The following MRC1 variants were observed in gnomAD, a reference collection of about 807,000 sequenced individuals.
The protein encoded by MRC1 is macrophage mannose receptor 1.
A neutral mutation model predicts 102.9 loss-of-function variants in MRC1; 62 were observed. The ratio of observed to expected loss-of-function variants is 0.60; its 90% CI spans 0.49 to 0.74. The LOEUF (loss-of-function observed/expected upper bound fraction) is 0.74. Among genes scored for constraint, MRC1 ranks in the 30% least tolerant of loss-of-function variants. The pLI is 0.00. For missense variants in MRC1, 1,237 were observed against 862.8 expected (o/e 1.43, Z -5.43); for synonymous variants, 457 against 298.4 (o/e 1.53, Z -5.48).
intron 6 of MRC1, among the ~76,000 whole-genome samples, chr10:17,847,983 G>T (rs1417353976): frequency 1.3e-5 from 2 of 149,456 alleles, no homozygotes; most frequent in Non-Finnish European, 3.0e-5. Flanking sequence ...TGAGGGAATA[G>T]AATTTTTTTA....
intron 8 of MRC1, among the ~76,000 whole-genome samples, chr10:17,854,144 G>C (rs895385377): frequency 1.3e-5 from 2 of 152,100 alleles, no homozygotes; most frequent in Non-Finnish European, 2.9e-5. Context: ...TACAGATGGA[G>C]TTTTGCCATG....
chr10:17,903,405 T>TTC (rs1833856503), intron 26 of MRC1, among the ~76,000 whole-genome samples: 1 of 139,768 alleles, frequency 7.2e-6, no homozygotes, highest in Non-Finnish European at 1.6e-5. Context: ...TTTTTTTTTT[T>TTC]TTTTTTTTGA....
chr10:17,863,492 T>C, intron 10 of MRC1, 42 bp from the exon 11 acceptor site: 1 of 780,154 alleles, frequency 1.3e-6, no homozygotes, highest in South Asian at 1.3e-5. Flanking sequence ...TTGGCATAAA[T>C]GTTTCAAAAA....
intron 15 of MRC1, 76 bp downstream of exon 15, chr10:17,872,202 A>G (rs1833363577): frequency 3.9e-6 from 3 of 777,988 alleles, no homozygotes; most frequent in Non-Finnish European, 7.2e-6. Flanking sequence ...TTCCTTTATT[A>G]GCAGAAGCAA....
chr10:17,826,150 C>A (rs988923997), intron 2 of MRC1, among the ~76,000 whole-genome samples: 2 of 152,002 alleles, frequency 1.3e-5, no homozygotes, highest in Admixed American at 1.3e-4. Context: ...GTTTTACAAG[C>A]TTTATATTAT....
At chr10:17,904,096 T>TA (rs1833865983) in intron 26 of MRC1, among the ~76,000 whole-genome samples, 1 of 152,226 alleles carries the variant, frequency 6.6e-6, no homozygotes, top group Admixed American at 6.5e-5. Context: ...CTTTATCCAT[T>TA]GCATACCCAT....
chr10:17,823,611 A>C (rs371816696), intron 2 of MRC1, 136 bp downstream of exon 2: 1 of 718,440 alleles, frequency 1.4e-6, no homozygotes. Context: ...TGTGTTTTCA[A>C]CTATTCTGTA....
chr10:17,885,065 T>C lies in MRC1; in HGVS notation c.2981-204T>C, dbSNP rs911649562. On this transcript the variant is annotated intron_variant, in intron 21 of 29. Coordinates refer to ENST00000569591, the MANE Select transcript of MRC1 (RefSeq NM_002438.4). ...GCCTAGATAAAACCTAGACTTTTAT[T>C]GTATGAAACTTTTCAAAGTCCAAAG... is the stretch of plus-strand genomic sequence containing the variant. Among the ~76,000 whole-genome samples, 26 of 152,348 alleles carry C rather than the reference T, an allele frequency of 1.7e-4. 1 individual carries two copies. The East Asian group carries it at 5.0e-3, about 29-fold the overall frequency.
Position 17,870,881 on chromosome 10 carries a change from G to A in MRC1, c.2145G>A (p.Leu715=), listed in dbSNP as rs1450188911. ...GAAGCTACCACAAACTGTTTTGGTT[G>A]GGATTGACATATGGAAGCCCTTCAG... is the stretch of plus-strand genomic sequence containing the variant. ...ASGSYHKLFW[L]GLTYGSPSEG... The change falls in exon 14 of 30, where the codon TTG becomes TTA. Residue 715 remains leucine (L), a synonymous_variant. Transcript: ENST00000569591. 8 of 872,324 alleles carry A rather than the reference G, an allele frequency of 9.2e-6. No individual in the cohort carries two copies. The highest frequency in any genetic ancestry group is 3.9e-5 in the South Asian group (3 of 76,532). The allele number at this position is 872,324 out of a possible 1,614,324, so 54.0% of individuals were successfully genotyped here.
chr10:17,811,532 T>C (rs1838222422), intron 1 of MRC1, among the ~76,000 whole-genome samples: 1 of 151,648 alleles, frequency 6.6e-6, no homozygotes. Context: ...CCCTTCCAGA[T>C]TTTTTTTTCC....
intron 15 of MRC1, 106 bp from the exon 16 acceptor site, chr10:17,873,678 A>G: frequency 2.5e-6 from 2 of 787,928 alleles, no homozygotes; most frequent in Non-Finnish European, 4.7e-6. Context: ...AAAGAGAACA[A>G]CTAAGTTTTT....
At position 17,881,144 on chromosome 10, in the gene MRC1, A is replaced by G; in HGVS notation, c.2943A>G (p.Gly981=). Residue 981 remains glycine, a synonymous_variant, in exon 21 of 30, where the codon GGA becomes GGG. Transcript: ENST00000569591. ...QEARKACIGF[G]GNLVSIQNEK... ...CACGAAAAGCTTGTATAGGCTTTGGAGGGAATCTGGTCTCCATACAAAATG... is the reference window on the plus strand; with the variant it reads ...CACGAAAAGCTTGTATAGGCTTTGGGGGGAATCTGGTCTCCATACAAAATG... The G allele has an allele frequency of 1.3e-6, 1 of 780,770 alleles. No individual in the cohort carries two copies. Among genetic ancestry groups the G allele is most frequent in the South Asian group, 1.3e-5 (1 of 74,606 alleles). 48.4% of individuals were successfully genotyped at this position (780,770 alleles called of 1,614,324 possible). A position where few individuals can be genotyped will look rare whatever the true frequency, so the allele number is the denominator to read the frequency against.
intron 4 of MRC1, among the ~76,000 whole-genome samples, chr10:17,835,157 T>C (rs1169437311): frequency 2.0e-5 from 3 of 152,350 alleles, no homozygotes; most frequent in East Asian, 3.9e-4. Flanking sequence ...TCTTTTCCCA[T>C]GTCATTTCTT....
At chr10:17,909,047 C>T (rs890776809) in intron 28 of MRC1, among the ~76,000 whole-genome samples, 4 of 152,138 alleles carry the variant, frequency 2.6e-5, no homozygotes, top group Non-Finnish European at 4.4e-5. Context: ...TTCTAATGTA[C>T]TCAAACGCAC....
chr10:17,819,185 ATG>A (rs1202770672), intron 1 of MRC1, among the ~76,000 whole-genome samples: 1 of 152,128 alleles, frequency 6.6e-6, no homozygotes, highest in East Asian at 1.9e-4. Flanking sequence ...TGCAAAAGAG[ATG>A]GGAAAAACAG....
intron 22 of MRC1, among the ~76,000 whole-genome samples, chr10:17,889,845 C>T (rs1046722526): frequency 1.1e-4 from 16 of 152,112 alleles, no homozygotes; most frequent in East Asian, 1.9e-4. Flanking sequence ...TTGAAGAGAC[C>T]GGTATCTGTT....
chr10:17,857,372 C>T lies in MRC1; in HGVS notation c.1518+1020C>T, dbSNP rs981535029. Among the ~76,000 whole-genome samples, 25 of 152,354 alleles carry T rather than the reference C, an allele frequency of 1.6e-4. No individual in the cohort carries two copies. The South Asian group carries it at 5.0e-3, about 30-fold the overall frequency. ...TATTCTTTGCCTGATCATATGTTTA[C>T]ACAAGCTTGTATATTACTGTCATTT... On this transcript the variant is annotated intron_variant, in intron 9 of 29. Coordinates refer to ENST00000569591, the MANE Select transcript of MRC1 (RefSeq NM_002438.4).
chr10:17,879,106 G>T (rs1051217345), intron 18 of MRC1, among the ~76,000 whole-genome samples: 6 of 152,106 alleles, frequency 3.9e-5, no homozygotes, highest in Non-Finnish European at 8.8e-5. Context: ...AATCATGCCC[G>T]GGGAGTACGA....
rs1040859538 is a variant in MRC1, at chr10:17,816,529, C to T, written c.62-6545C>T. Among the ~76,000 whole-genome samples, 10 of 152,126 alleles carry T rather than the reference C, an allele frequency of 6.6e-5. 1 individual carries two copies. The highest frequency in any genetic ancestry group is 5.2e-4 in the Admixed American group (8 of 15,276). On this transcript the variant is annotated intron_variant, in intron 1 of 29. Transcript: ENST00000569591. ...TCTCCTTGGCCTCTGATGAAGGCTT[C>T]CTCCTACAGGGCATTCGTTTTCTGA...
Sources: allele counts gnomAD v4.1 joint callset (sites outside exome capture counted in the v4.1 genomes callset), GRCh38; gene constraint gnomAD v4.1.1; transcripts MANE v1.5; gene names NCBI Gene and HGNC (gene_info 2026-07-23, HGNC 2026-07-21).